LRRC37B: variants seen among roughly 807,000 people sequenced by gnomAD.
The protein encoded by LRRC37B is leucine rich repeat containing 37B.
A neutral mutation model predicts 98.3 loss-of-function variants in LRRC37B; 28 were observed. The ratio of observed to expected loss-of-function variants is 0.28; its 90% confidence interval spans 0.21 to 0.39. The LOEUF is 0.39. LRRC37B is among the 10% of genes least tolerant of loss of function. The pLI is 1.00. For missense variants in LRRC37B, 938 were observed against 1,182.7 expected, an observed-to-expected ratio of 0.79 and a Z score of 3.03; for synonymous variants, 364 against 442.7, an observed-to-expected ratio of 0.82 and a Z score of 2.23.
intron 7 of LRRC37B, chr17:32,041,379 G>A (rs757861596): frequency 2.7e-6 from 2 of 753,156 alleles, no homozygotes; most frequent in South Asian, 2.7e-5. Flanking sequence ...CTTCCAGCCT[G>A]AGAACCATGG....
At chr17:32,026,687 C>T (rs967730300) in intron 2 of LRRC37B, among the ~76,000 whole-genome samples, 2 of 152,130 alleles carry the variant, frequency 1.3e-5, no homozygotes, top group Non-Finnish European at 2.9e-5. Flanking sequence ...CCTTGGCTTT[C>T]CAGAATGCTG....
chr17:32,010,124 T>C lies in LRRC37B; in HGVS notation c.-191+1992T>C, dbSNP rs372783708. ...GGATGAAGTCTGCTTTACCACATTT[T>C]TTCTTTTACAGATTTGTTGTTCATC... is the stretch of plus-strand genomic sequence containing the variant. On this transcript the variant is annotated intron_variant, in intron 1 of 14. Transcript: ENST00000543378. Among the ~76,000 whole-genome samples the C allele has an allele frequency of 2.6e-5, 4 of 152,220 alleles. No homozygotes were observed. The East Asian group carries it at 7.7e-4, about 29-fold the overall frequency.
chr17:32,035,608 A>G, exon 7 of LRRC37B: 1 of 1,611,950 alleles, frequency 6.2e-7, no homozygotes, highest in African/African-American at 1.3e-5. Context: ...ACTTAAGAAC[A>G]TTCTCACGAT....
At chr17:32,038,431 C>T (rs1191990508) in intron 7 of LRRC37B, among the ~76,000 whole-genome samples, 1 of 152,146 alleles carries the variant, frequency 6.6e-6, no homozygotes, top group Non-Finnish European at 1.5e-5. Flanking sequence ...CGCACTCCAG[C>T]CTGGGTCACA....
At chr17:32,027,353 G>A (rs1230887941) in intron 2 of LRRC37B, among the ~76,000 whole-genome samples, 1 of 150,350 alleles carries the variant, frequency 6.7e-6, no homozygotes, top group African/African-American at 2.5e-5. Flanking sequence ...GCTTGCTTGT[G>A]TGTGTGTGCT....
chr17:32,041,269 T>C lies in LRRC37B; in HGVS notation c.2205-4431T>C, dbSNP rs575949570. The C allele has an allele frequency of 1.4e-4, 108 of 764,856 alleles. No individual in the cohort carries two copies. The Middle Eastern group carries it at 1.8e-3, about 13-fold the overall frequency. The allele number at this position is 764,856 out of a possible 1,614,324, so 47.4% of individuals were successfully genotyped here. ...TTCCCCTGCACCACAGTCCCCAAGA[T>C]TGCAGCTTCATCCCCTTTCCGATCT... On this transcript the variant is annotated intron_variant, in intron 7 of 11. Transcript: ENST00000327564.
At chr17:32,032,610 A>G (rs1385052309) in intron 5 of LRRC37B, among the ~76,000 whole-genome samples, 1 of 152,172 alleles carries the variant, frequency 6.6e-6, no homozygotes, top group Admixed American at 6.5e-5. Flanking sequence ...CTAGTTTCAC[A>G]CAGTTCATTT....
Position 32,049,453 on chromosome 17 carries a change from G to A in LRRC37B, c.2757+59G>A, listed in dbSNP as rs2470261. On this transcript the variant is annotated intron_variant, in intron 10 of 11. Coordinates refer to ENST00000327564, the Ensembl canonical transcript of LRRC37B. ...TCCCATCATTTAGCGTATGCCAGGA[G>A]AGTGCCCACATAGGAGAACCTGGGA... is the stretch of plus-strand genomic sequence containing the variant. 87 of 1,540,470 alleles carry A rather than the reference G, an allele frequency of 5.6e-5. No homozygotes were observed. In the Admixed American group the frequency reaches 7.5e-4, roughly 13 times the overall value.
At chr17:32,041,496 T>C (rs774985251) in intron 7 of LRRC37B, 68 of 599,934 alleles carry the variant, frequency 1.1e-4, no homozygotes, top group Non-Finnish European at 2.1e-4. Context: ...CCTGCTCAGC[T>C]ACATGGACGT....
chr17:32,014,563 TAAAG>T (rs1910608471), intron 1 of LRRC37B, among the ~76,000 whole-genome samples: 3 of 152,166 alleles, frequency 2.0e-5, no homozygotes, highest in Admixed American at 2.0e-4. Flanking sequence ...ACTTCAGAGA[TAAAG>T]AAAGAGCAGC....
Position 32,035,638 on chromosome 17 carries a change from CTG to C in LRRC37B, c.2204+1_2204+2del, listed in dbSNP as rs370205644. On this transcript the variant is annotated splice_donor_variant and coding_sequence_variant, in exon 7 of 12. Coordinates refer to ENST00000327564, the Ensembl canonical transcript of LRRC37B. LOFTEE classifies it high-confidence loss of function. ...CACGATGACTGTTGAACTGGAAAAA[CTG>C]TAAGTTATTTTTTCTTAGATTTATT... The C allele has an allele frequency of 8.3e-4, 1,337 of 1,605,302 alleles. 1 individual carries two copies. The highest frequency in any genetic ancestry group is 2.1e-3 in the Admixed American group (123 of 58,636).
At chr17:32,034,475 G>A (rs1175366673) in intron 5 of LRRC37B, among the ~76,000 whole-genome samples, 3 of 103,470 alleles carry the variant, frequency 2.9e-5, no homozygotes, top group Admixed American at 9.1e-5. Flanking sequence ...GCTGTCCACC[G>A]CCTGGGTGAC....
chr17:32,027,619 A>G (rs557949979), intron 2 of LRRC37B, 150 bp from the exon 6 acceptor site: 15 of 1,032,960 alleles, frequency 1.5e-5, no homozygotes, highest in Non-Finnish European at 2.1e-5. Flanking sequence ...AAAAAGGAAA[A>G]TGGAAGAAAA....
At chr17:32,021,394 T>C (rs1428736739) in exon 1 of LRRC37B, 2 of 1,613,924 alleles carry the variant, frequency 1.2e-6, no homozygotes, top group South Asian at 2.2e-5. Flanking sequence ...TCTTCGCAGA[T>C]GTCAGCCCTG....
intron 8 of LRRC37B, 83 bp from the exon 12 acceptor site, chr17:32,047,678 G>C: frequency 6.3e-7 from 1 of 1,596,270 alleles, no homozygotes; most frequent in Non-Finnish European, 8.6e-7. Flanking sequence ...TACTCTGTGT[G>C]ACTGGGGCAT....
Position 32,027,753 on chromosome 17 carries a change from CTT to C in LRRC37B, c.1833-12_1833-11del, listed in dbSNP as rs1489468020. On this transcript the variant is annotated splice_polypyrimidine_tract_variant and intron_variant, in intron 2 of 11. Coordinates refer to ENST00000327564, the Ensembl canonical transcript of LRRC37B. ...AGTTTGCATTTTAACCTAGAAATAACTTTTTCATTTTCCAGAATTCTCAGTGA... is the reference window on the plus strand; with the variant it reads ...AGTTTGCATTTTAACCTAGAAATAACTTTCATTTTCCAGAATTCTCAGTGA... 6.3e-7 allele frequency: 1 copy of C among 1,589,564 alleles called. No homozygotes were observed. Among genetic ancestry groups the C allele is most frequent in the African/African-American group, 1.3e-5 (1 of 74,160 alleles).
chr17:32,049,383 A>G, exon 10 of LRRC37B: 1 of 1,609,420 alleles, frequency 6.2e-7, no homozygotes, highest in Non-Finnish European at 8.5e-7. Context: ...GAAAGAGCAG[A>G]AGTCAAGTGA....
In LRRC37B at chr17:32,035,338, TA is replaced by T. The variant is rs76777694; in HGVS notation, c.2130-217del. On this transcript the variant is annotated intron_variant, in intron 6 of 11. Transcript: ENST00000327564. ...TATGAAATGAGAAGTAAGATAATGG[TA>T]AAAAAAAAAGTGTAAGTTCTCTTAA... Among the ~76,000 whole-genome samples the T allele has an allele frequency of 1.5e-3, 220 of 148,486 alleles. 1 individual carries two copies. In the East Asian group the frequency reaches 0.036, roughly 24 times the overall value.
chr17:32,044,674 T>C lies in LRRC37B; in HGVS notation c.2205-1026T>C, dbSNP rs552760122. 1.3e-4 allele frequency among the ~76,000 whole-genome samples: 20 copies of C among 152,212 alleles called. No individual in the cohort carries two copies. The East Asian group carries it at 3.7e-3, about 28-fold the overall frequency. ...ATGGGCAAATCACTTGAGTCCAGTT[T>C]TAGACCAGCCTGAACAACAAGGTGA... On this transcript the variant is annotated intron_variant, in intron 7 of 11. Transcript: ENST00000327564.
Sources: allele counts gnomAD v4.1 joint callset (sites outside exome capture counted in the v4.1 genomes callset), GRCh38; gene constraint gnomAD v4.1.1; transcripts MANE v1.5; gene names NCBI Gene and HGNC (gene_info 2026-07-23, HGNC 2026-07-21).